The following RMDN2 variants were observed in gnomAD, a reference collection of about 807,000 sequenced individuals.
RMDN2 encodes the protein regulator of microtubule dynamics protein 2.
Under a neutral mutation model 52.8 loss-of-function variants are expected in RMDN2, and 61 were observed. The ratio of observed to expected loss-of-function variants is 1.16; its 90% CI spans 0.94 to 1.43. The LOEUF (loss-of-function observed/expected upper bound fraction) is 1.43, where lower values mean the gene tolerates loss of function less well. RMDN2 is among the 40% of genes most tolerant of loss of function. The pLI, the probability that RMDN2 is intolerant of heterozygous loss-of-function variation, is 0.00. For missense variants in RMDN2, 592 were observed against 475.3 expected, an observed-to-expected ratio of 1.25 and a Z score of -2.28; for synonymous variants, 180 against 153.1, an observed-to-expected ratio of 1.18 and a Z score of -1.30.
chr2:38,018,196 A>G (rs1679058619), downstream of RMDN2, among the ~76,000 whole-genome samples: 1 of 152,230 alleles, frequency 6.6e-6, no homozygotes, highest in Non-Finnish European at 1.5e-5. Context: ...GAGGCCTGAC[A>G]CTAGCAAGGA....
At chr2:37,993,114 G>A (rs113970674) in intron 7 of RMDN2, among the ~76,000 whole-genome samples, 10,476 of 151,958 alleles carry the variant, frequency 0.069, 381 homozygotes, top group East Asian at 0.1. Context: ...TAGTAGAGAC[G>A]GAGTTTCGCC....
chr2:37,925,062 G>C (rs1387854597), upstream of RMDN2, among the ~76,000 whole-genome samples: 2 of 152,234 alleles, frequency 1.3e-5, no homozygotes, highest in Non-Finnish European at 2.9e-5. Context: ...GGCTAGCGCG[G>C]AGGCCCAGAG....
intron 2 of RMDN2, chr2:37,952,987 T>C (rs1669034006): frequency 6.6e-6 from 1 of 151,966 alleles, no homozygotes; most frequent in East Asian, 1.9e-4. Context: ...TAAAAATGCA[T>C]GTAAGCAATT....
intron 10 of RMDN2, chr2:38,012,491 TA>T: frequency 2.5e-6 from 1 of 400,826 alleles, no homozygotes; most frequent in Admixed American, 3.7e-5. Context: ...GTGTCAATAG[TA>T]ATAATAAAGA....
chr2:37,932,603 C>T (rs1478840668), intron 2 of RMDN2, among the ~76,000 whole-genome samples: 2 of 151,510 alleles, frequency 1.3e-5, no homozygotes, highest in Non-Finnish European at 3.0e-5. Context: ...GGGTGGTGGC[C>T]GGGCAGAGGG....
intron 10 of RMDN2, among the ~76,000 whole-genome samples, chr2:38,004,880 G>T (rs1389956408): frequency 6.6e-6 from 1 of 151,456 alleles, no homozygotes; most frequent in East Asian, 1.9e-4. Flanking sequence ...CCCGGTGTGT[G>T]ATGTTCCCGT....
intron 2 of RMDN2, among the ~76,000 whole-genome samples, chr2:37,938,783 TCTC>T (rs1267284481): frequency 2.6e-5 from 4 of 152,182 alleles, no homozygotes; most frequent in Non-Finnish European, 4.4e-5. Context: ...TTGAGTCTTC[TCTC>T]CTTTCTTCTT....
chr2:38,035,264 T>A (rs536877058), intron 10 of RMDN2, among the ~76,000 whole-genome samples: 3 of 152,114 alleles, frequency 2.0e-5, no homozygotes, highest in Admixed American at 2.0e-4. Context: ...AATATAAGAA[T>A]CATGTCTGAT....
chr2:38,050,309 A>G (rs1681511464), intron 10 of RMDN2, among the ~76,000 whole-genome samples: 1 of 151,808 alleles, frequency 6.6e-6, no homozygotes, highest in South Asian at 2.1e-4. Flanking sequence ...TGCTGCACCA[A>G]TCTCACCAGT....
chr2:38,040,673 C>A (rs1194026029), intron 10 of RMDN2, among the ~76,000 whole-genome samples: 2 of 152,186 alleles, frequency 1.3e-5, no homozygotes, highest in Non-Finnish European at 2.9e-5. Context: ...TTCTTAACAT[C>A]ATTCTTCAGT....
intron 2 of RMDN2, among the ~76,000 whole-genome samples, chr2:37,965,847 C>G (rs778127832): frequency 1.3e-5 from 2 of 152,110 alleles, no homozygotes; most frequent in Non-Finnish European, 2.9e-5. Flanking sequence ...ATTTTAATTT[C>G]TCCCTCATTT....
At position 38,002,201 on chromosome 2, in the gene RMDN2, A is replaced by G. The variant is rs79588658; in HGVS notation, c.1045-1790A>G. 8.8e-3 allele frequency among the ~76,000 whole-genome samples: 1,333 copies of G among 152,286 alleles called. 18 individuals carry two copies. Among genetic ancestry groups the G allele is most frequent in the African/African-American group, 0.03 (1,258 of 41,546 alleles). On this transcript the variant is annotated intron_variant, in intron 8 of 10. Transcript: ENST00000354545. ...AGCACCCTGATTTGGATTTATCTTCATTAGTATCTATCTTTAAAAATATAT... is the reference window on the plus strand; with the variant it reads ...AGCACCCTGATTTGGATTTATCTTCGTTAGTATCTATCTTTAAAAATATAT...
At chr2:37,960,081 A>T (rs1481112340) in intron 2 of RMDN2, among the ~76,000 whole-genome samples, 1 of 152,114 alleles carries the variant, frequency 6.6e-6, no homozygotes, top group Admixed American at 6.5e-5. Context: ...CAGTTTTTGA[A>T]TATGTGCTAT....
At chr2:37,951,610 T>A in intron 2 of RMDN2, 1 of 1,613,466 alleles carries the variant, frequency 6.2e-7, no homozygotes, top group Non-Finnish European at 8.5e-7. Flanking sequence ...TCCCGTAAAC[T>A]AAGTATAGTT....
chr2:38,012,715 A>G (rs1484617160), intron 10 of RMDN2: 1 of 393,320 alleles, frequency 2.5e-6, no homozygotes, highest in Admixed American at 3.7e-5. Flanking sequence ...TATATGTAAT[A>G]CCCCTCCATC....
In RMDN2 at chr2:37,989,444, G is replaced by A. The variant is rs1674467231; in HGVS notation, c.792-97G>A. Reference sequence around the variant, plus strand: ...ATGAATACTCCTGTTAAATATGAATGAATGCTTTAGAGTTTCTTTTAATGT... The same window carrying A: ...ATGAATACTCCTGTTAAATATGAATAAATGCTTTAGAGTTTCTTTTAATGT... On this transcript the variant is annotated intron_variant, in intron 5 of 10. Transcript: ENST00000354545. 4.0e-6 allele frequency: 3 copies of A among 757,640 alleles called. No homozygotes were observed. In the East Asian group the frequency reaches 7.4e-5, roughly 19 times the overall value. The allele number at this position is 757,640 out of a possible 1,614,324, so 46.9% of individuals were successfully genotyped here.
intron 10 of RMDN2, among the ~76,000 whole-genome samples, chr2:38,005,140 A>G (rs181427933): frequency 0.019 from 2,840 of 152,272 alleles, 75 homozygotes; most frequent in African/African-American, 0.065. Context: ...GCTATTGTGA[A>G]TAGTGCTGCT....
chr2:37,985,102 G>T (rs1673824286), intron 5 of RMDN2, among the ~76,000 whole-genome samples: 1 of 152,062 alleles, frequency 6.6e-6, no homozygotes, highest in Admixed American at 6.5e-5. Flanking sequence ...TTCATATTAT[G>T]GTATTTATAA....
At chr2:37,925,189 C>G (rs1375107876), upstream of RMDN2, 2 of 152,140 alleles carry the variant, frequency 1.3e-5, no homozygotes, top group African/African-American at 4.8e-5. Context: ...AAGGTGCACC[C>G]AACGCCAGTC....
Sources: allele counts gnomAD v4.1 joint callset (sites outside exome capture counted in the v4.1 genomes callset), GRCh38; gene constraint gnomAD v4.1.1; transcripts MANE v1.5; gene names NCBI Gene and HGNC (gene_info 2026-07-23, HGNC 2026-07-21).